LMO7: variants seen among roughly 807,000 people sequenced by gnomAD.
LMO7 encodes LIM domain 7.
In LMO7, 120 loss-of-function variants were observed where a neutral mutation model predicts 206.5. That is an observed-to-expected ratio of 0.58 (90% CI 0.50 to 0.68). The LOEUF is 0.68. Among genes scored for constraint, LMO7 ranks in the 30% least tolerant of loss-of-function variants. LMO7 has a pLI of 0.00. For synonymous variants in LMO7, 706 were observed against 681.5 expected (o/e 1.04, Z -0.56); for missense variants, 1,959 against 1,957.9 (o/e 1.00, Z -0.01).
chr13:75,733,506 C>G (rs9573646), intron 3 of LMO7, among the ~76,000 whole-genome samples: 6,309 of 152,222 alleles, frequency 0.041, 340 homozygotes, highest in African/African-American at 0.11. Context: ...TGGGAGTGAC[C>G]CGATTTTCCA....
chr13:75,717,471 T>A (rs1350058412), intron 2 of LMO7, among the ~76,000 whole-genome samples: 1 of 151,802 alleles, frequency 6.6e-6, no homozygotes, highest in Non-Finnish European at 1.5e-5. Flanking sequence ...AGCAAGATAT[T>A]CACCCCTATC....
chr13:75,836,922 G>T (rs1216015415), intron 19 of LMO7, among the ~76,000 whole-genome samples: 1 of 152,174 alleles, frequency 6.6e-6, no homozygotes, highest in East Asian at 1.9e-4. Flanking sequence ...GACAAAGAAG[G>T]CAAAATATCT....
At chr13:75,726,728 G>C (rs509450) in intron 2 of LMO7, among the ~76,000 whole-genome samples, 1,851 of 152,204 alleles carry the variant, frequency 0.012, 46 homozygotes, top group African/African-American at 0.042. Flanking sequence ...AGTTGAAGCA[G>C]AACGAAATAT....
At chr13:75,823,013 A>G (rs9573664) in intron 14 of LMO7, among the ~76,000 whole-genome samples, 33,900 of 151,602 alleles carry the variant, frequency 0.22, 4,574 homozygotes, top group African/African-American at 0.39. Context: ...CATACTATGG[A>G]ACATTCAGCA....
chr13:75,692,188 A>G (rs201732514), intron 1 of LMO7, among the ~76,000 whole-genome samples: 1 of 152,128 alleles, frequency 6.6e-6, no homozygotes, highest in East Asian at 1.9e-4. Flanking sequence ...ACATCTACCC[A>G]GGAAAACCTA....
chr13:75,685,062 C>A (rs891271956), intron 1 of LMO7, among the ~76,000 whole-genome samples: 1 of 152,136 alleles, frequency 6.6e-6, no homozygotes, highest in Admixed American at 6.5e-5. Flanking sequence ...GTGAAAGCAG[C>A]AATACTGGAA....
chr13:75,709,664 G>A (rs189445369), intron 1 of LMO7, among the ~76,000 whole-genome samples: 2,591 of 151,914 alleles, frequency 0.017, 28 homozygotes, highest in Middle Eastern at 0.031. Context: ...TTTTCTTGTA[G>A]ATTTGTTTGA....
chr13:75,745,973 A>G lies in LMO7; in HGVS notation c.211-14959A>G, dbSNP rs74475259. On this transcript the variant is annotated intron_variant, in intron 3 of 30. Transcript: ENST00000377534. ...GATTCCTTATAATAAATCTCTTTCA[A>G]TATATATCCGGTTGATCCTCTTTCT... Among the ~76,000 whole-genome samples, 630 of 152,234 alleles carry G rather than the reference A, an allele frequency of 4.1e-3. 6 individuals are homozygous for G. The highest frequency in any genetic ancestry group is 0.015 in the African/African-American group (603 of 41,538).
At chr13:75,681,803 G>A (rs1028609442) in intron 1 of LMO7, among the ~76,000 whole-genome samples, 1 of 144,938 alleles carries the variant, frequency 6.9e-6, no homozygotes, top group Non-Finnish European at 1.5e-5. Flanking sequence ...TTAGCATAAT[G>A]TATTTGAGAC....
intron 2 of LMO7, among the ~76,000 whole-genome samples, chr13:75,715,040 A>T (rs1306238449): frequency 1.3e-5 from 2 of 152,188 alleles, no homozygotes; most frequent in African/African-American, 2.4e-5. Context: ...TCAAAGAAGT[A>T]ATTTTGTAGG....
chr13:75,657,988 A>G lies in LMO7; in HGVS notation c.69+21262A>G, dbSNP rs563090374. 2.8e-4 allele frequency among the ~76,000 whole-genome samples: 42 copies of G among 151,952 alleles called. 1 individual carries two copies. Among genetic ancestry groups the G allele is most frequent in the African/African-American group, 9.6e-4 (40 of 41,484 alleles). ...TGTAATTTTATATTCACATTTGGGT[A>G]GCCAGTTAATTTGGATTTTATGTTT... is the stretch of plus-strand genomic sequence containing the variant. On this transcript the variant is annotated intron_variant, in intron 1 of 30. Coordinates refer to ENST00000377534, the MANE Select transcript of LMO7 (RefSeq NM_001306080.2).
intron 26 of LMO7, among the ~76,000 whole-genome samples, chr13:75,847,899 G>A (rs1368671204): frequency 1.3e-5 from 2 of 152,158 alleles, no homozygotes; most frequent in Non-Finnish European, 1.5e-5. Context: ...AATTGATAAT[G>A]TTAGCACACG....
chr13:75,725,151 T>A (rs766651331), intron 2 of LMO7, among the ~76,000 whole-genome samples: 4 of 151,942 alleles, frequency 2.6e-5, no homozygotes, highest in Non-Finnish European at 5.9e-5. Flanking sequence ...GAAACTGTAT[T>A]TTTTTTAAAT....
Position 75,800,631 on chromosome 13 carries a change from T to C in LMO7, c.463-53T>C, listed in dbSNP as rs931320891. Reference sequence around the variant, plus strand: ...CAAGCAAGTAATAACCGATTGATTATATTTTTTGGAAGTTTATTTAACTTA... The same window carrying C: ...CAAGCAAGTAATAACCGATTGATTACATTTTTTGGAAGTTTATTTAACTTA... On this transcript the variant is annotated intron_variant, in intron 6 of 30. Transcript: ENST00000377534. The C allele has an allele frequency of 2.6e-6, 4 of 1,510,360 alleles. No individual in the cohort carries two copies. The African/African-American group carries it at 5.5e-5, about 21-fold the overall frequency. The allele number at this position is 1,510,360 out of a possible 1,614,324, so 93.6% of individuals were successfully genotyped here.
upstream of LMO7, among the ~76,000 whole-genome samples, chr13:75,635,366 T>G (rs1479664057): frequency 6.6e-6 from 1 of 151,980 alleles, no homozygotes; most frequent in Non-Finnish European, 1.5e-5. Flanking sequence ...GTAGGCTCCT[T>G]TGTGGAGACC....
Position 75,833,085 on chromosome 13 carries a change from A to C in LMO7, c.2984A>C (p.Gln995Pro), listed in dbSNP as rs2058815070. 1.9e-6 allele frequency: 3 copies of C among 1,611,032 alleles called. No homozygotes were observed. Among genetic ancestry groups the C allele is most frequent in the Non-Finnish European group, 2.5e-6 (3 of 1,177,450 alleles). The change falls in exon 16 of 31, where the codon CAG (glutamine) becomes CCG (proline). Residue 995 changes from glutamine (Q) to proline (P), a missense_variant. Transcript: ENST00000377534. ...AGTGATATGAGAATCAGCATAAACC[A>C]GACGCCTGGGAAGAGTCTTGACTTT... is the stretch of plus-strand genomic sequence containing the variant. ...QFSDMRISIN[Q>P]TPGKSLDFGF...
intron 21 of LMO7, 80 bp downstream of exon 21, chr13:75,840,190 A>G (rs1358600784): frequency 2.8e-5 from 41 of 1,456,816 alleles, no homozygotes; most frequent in Non-Finnish European, 3.9e-5. Flanking sequence ...GCTTACCATG[A>G]TTTTAGGTTG....
intron 1 of LMO7, among the ~76,000 whole-genome samples, chr13:75,661,693 T>G (rs2038620736): frequency 6.6e-6 from 1 of 152,218 alleles, no homozygotes; most frequent in East Asian, 1.9e-4. Context: ...GCGCCAGTAC[T>G]GTGACATTTG....
intron 1 of LMO7, among the ~76,000 whole-genome samples, chr13:75,696,168 A>G (rs1433094565): frequency 1.3e-5 from 2 of 152,214 alleles, no homozygotes; most frequent in Non-Finnish European, 2.9e-5. Context: ...CAGCCTGGCC[A>G]ATGTGGTGAA....
Sources: gnomAD v4.1 joint callset for allele counts (sites outside exome capture counted in the v4.1 genomes callset) on GRCh38, gnomAD v4.1.1 for gene constraint, MANE v1.5 for transcripts, NCBI Gene and HGNC (gene_info 2026-07-23, HGNC 2026-07-21) for gene names.